SLC60A1: variants seen among roughly 807,000 people sequenced by gnomAD.
SLC60A1 encodes the protein major facilitator superfamily domain containing 4.
At chr1:205,584,425 C>T in the SLC60A1 span, among the ~76,000 whole-genome samples, 2 of 151,344 alleles carry the variant, frequency 1.3e-5, no homozygotes, top group African/African-American at 2.4e-5. Flanking sequence ...GGTTTCGCCA[C>T]GTTGGCCAGG....
At chr1:205,569,123 G>A in the SLC60A1 span, 8 of 1,528,442 alleles carry the variant, frequency 5.2e-6, no homozygotes, top group African/African-American at 1.4e-5. Context: ...TGCAGCCCAC[G>A]CTCACCTACT....
chr1:205,580,637 C>T, the SLC60A1 span: 1 of 1,583,052 alleles, frequency 6.3e-7, no homozygotes, highest in East Asian at 2.3e-5. The surrounding 1 kb of genome is among the most constrained non-coding windows in gnomAD (Gnocchi z 5.0). Context: ...CCACCCCCAC[C>T]CGCCACCTCT....
At chr1:205,592,786 C>A in the SLC60A1 span, among the ~76,000 whole-genome samples, 1 of 110,832 alleles carries the variant, frequency 9.0e-6, no homozygotes, top group Non-Finnish European at 2.0e-5. Flanking sequence ...TCCGCTTTGT[C>A]CCCATCGTAA....
chr1:205,592,135 G>C, the SLC60A1 span: 1 of 1,613,898 alleles, frequency 6.2e-7, no homozygotes, highest in Non-Finnish European at 8.5e-7. Context: ...CCTCTGCCGC[G>C]ACAGGTTGGC....
chr1:205,569,931 TGCATGGGCCCCC>T, the SLC60A1 span, among the ~76,000 whole-genome samples: 1 of 152,054 alleles, frequency 6.6e-6, no homozygotes, highest in East Asian at 1.9e-4. Flanking sequence ...ACATGGTTCC[TGCATGGGCCCCC>T]GAGACACACA....
chr1:205,577,415 C>G, the SLC60A1 span, among the ~76,000 whole-genome samples: 1 of 152,224 alleles, frequency 6.6e-6, no homozygotes. The surrounding 1 kb of genome is among the most constrained non-coding windows in gnomAD (Gnocchi z 5.2). Context: ...TGGGGCCAGG[C>G]ATGGCTTCCA....
At chr1:205,583,874 A>G in the SLC60A1 span, 2 of 1,497,732 alleles carry the variant, frequency 1.3e-6, no homozygotes, top group Non-Finnish European at 1.8e-6. Flanking sequence ...AGGACTATGC[A>G]CATGCAGTGT....
At chr1:205,583,563 GA>G in the SLC60A1 span, among the ~76,000 whole-genome samples, 4 of 152,174 alleles carry the variant, frequency 2.6e-5, no homozygotes, top group African/African-American at 9.7e-5. Context: ...ATGTTTTGTA[GA>G]GATGTGATGC....
At chr1:205,583,645 C>T in the SLC60A1 span, among the ~76,000 whole-genome samples, 1 of 152,222 alleles carries the variant, frequency 6.6e-6, no homozygotes, top group Admixed American at 6.5e-5. Flanking sequence ...TGTGACACTC[C>T]AGCAAGCTTA....
chr1:205,577,575 C>A, the SLC60A1 span, among the ~76,000 whole-genome samples: 2 of 152,184 alleles, frequency 1.3e-5, no homozygotes, highest in Non-Finnish European at 2.9e-5. This position sits in a 1 kb window ranked among gnomAD's most constrained non-coding sequence, Gnocchi z 5.2. Flanking sequence ...GCTTCCTAGC[C>A]TTGCCATTCA....
chr1:205,578,732 TC>T, the SLC60A1 span, among the ~76,000 whole-genome samples: 1 of 151,456 alleles, frequency 6.6e-6, no homozygotes, highest in Non-Finnish European at 1.5e-5. Flanking sequence ...CCTTTCCCCC[TC>T]CCCTCTCTCA....
the SLC60A1 span, among the ~76,000 whole-genome samples, chr1:205,597,050 C>T: frequency 1.3e-5 from 2 of 152,120 alleles, no homozygotes; most frequent in African/African-American, 2.4e-5. Flanking sequence ...CTCATCAGGG[C>T]GTGTGGCTGG....
chr1:205,576,523 G>T, the SLC60A1 span, among the ~76,000 whole-genome samples: 1 of 152,228 alleles, frequency 6.6e-6, no homozygotes, highest in Non-Finnish European at 1.5e-5. Flanking sequence ...AGTGGCCAAG[G>T]TGGGCCTAGA....
At chr1:205,592,026 C>A in the SLC60A1 span, 12 of 1,415,034 alleles carry the variant, frequency 8.5e-6, no homozygotes, top group Non-Finnish European at 1.2e-5. Context: ...CACAGCTGGG[C>A]TCCTTGGGCT....
the SLC60A1 span, among the ~76,000 whole-genome samples, chr1:205,576,558 C>T: frequency 6.6e-6 from 1 of 152,176 alleles, no homozygotes; most frequent in East Asian, 1.9e-4. Flanking sequence ...TTCCAGATCG[C>T]ACTCCATCCT....
At chr1:205,569,395 C>T in the SLC60A1 span, 1 of 895,542 alleles carries the variant, frequency 1.1e-6, no homozygotes, top group African/African-American at 1.8e-5. Flanking sequence ...CGGCCTCTCC[C>T]CCGGCCCCGT....
the SLC60A1 span, among the ~76,000 whole-genome samples, chr1:205,599,434 G>A: frequency 1.3e-5 from 2 of 152,144 alleles, no homozygotes; most frequent in Admixed American, 6.5e-5. Flanking sequence ...CCATACGATT[G>A]TCTGCGCTGG....
chr1:205,602,666 T>C, the SLC60A1 span: 1 of 152,398 alleles, frequency 6.6e-6, no homozygotes, highest in South Asian at 2.1e-4. Flanking sequence ...TTTAATTATA[T>C]TTGTAAATAC....
chr1:205,597,912 A>T, the SLC60A1 span: 2 of 1,511,570 alleles, frequency 1.3e-6, no homozygotes, highest in Non-Finnish European at 1.8e-6. Flanking sequence ...ACAGGTGAGA[A>T]GATGCAGATA....
Sources: gnomAD v4.1 joint callset for allele counts (sites outside exome capture counted in the v4.1 genomes callset) on GRCh38, gnomAD v4.1.1 for gene constraint, Gnocchi (gnomAD v3.1) non-coding constraint, MANE v1.5 for transcripts, NCBI Gene and HGNC (gene_info 2026-07-23, HGNC 2026-07-21) for gene names.